The following DNHD1 variants were observed in gnomAD, a reference collection of about 807,000 sequenced individuals.
DNHD1 encodes dynein heavy chain domain 1.
A neutral mutation model predicts 458.1 loss-of-function variants in DNHD1; 383 were observed. The observed-to-expected ratio is 0.84, with a 90% CI of 0.77 to 0.91. DNHD1 has a LOEUF of 0.91. Among genes scored for constraint, DNHD1 ranks in the 40% least tolerant of loss-of-function variants. The probability of loss-of-function intolerance (pLI) is 0.00; values close to 1 mark genes in which losing one functional copy is unlikely to be tolerated. For missense variants in DNHD1, 5,336 were observed against 5,866.1 expected (o/e 0.91, Z 2.95); for synonymous variants, 2,203 against 2,376.9 (o/e 0.93, Z 2.13).
intron 18 of DNHD1, among the ~76,000 whole-genome samples, chr11:6,541,523 T>C (rs1163215560): frequency 1.3e-5 from 2 of 152,166 alleles, no homozygotes; most frequent in Non-Finnish European, 1.5e-5. Flanking sequence ...GTACATTTGA[T>C]GGTAAGAATG....
Position 6,519,777 on chromosome 11 carries a change from G to A in DNHD1, c.1570G>A (p.Val524Ile), listed in dbSNP as rs1450330308. The A allele has an allele frequency of 1.2e-6, 2 of 1,613,752 alleles. No individual in the cohort carries two copies. The highest frequency in any genetic ancestry group is 1.3e-5 in the African/African-American group (1 of 74,944). ...WLQLGKFARL[V>I]DYMICQSLIS... Reference sequence around the variant, plus strand: ...GCAGCTGGGAAAGTTTGCCCGCCTGGTTGACTACATGATTTGTCAGAGCCT... The same window carrying A: ...GCAGCTGGGAAAGTTTGCCCGCCTGATTGACTACATGATTTGTCAGAGCCT... The change falls in exon 8 of 43, where the codon GTT becomes ATT. Residue 524 changes from valine (V) to isoleucine (I), a missense_variant. This residue lies in a region of DNHD1 where 3,932 missense variants were observed against 4,365.6 expected (regional missense o/e 0.90). Transcript: ENST00000254579.
chr11:6,567,424 C>G lies in DNHD1; in HGVS notation c.11915C>G (p.Pro3972Arg). 6.2e-7 allele frequency: 1 copy of G among 1,613,614 alleles called. No individual in the cohort carries two copies. Reference sequence around the variant, plus strand: ...TCTCCCAGCACAGTCCACAGCAAGCCAGTCTCAGATGTGGCTCGACCGGCC... The same window carrying G: ...TCTCCCAGCACAGTCCACAGCAAGCGAGTCTCAGATGTGGCTCGACCGGCC... Reference protein sequence around the residue: ...AASPSTVHSKPVSDVARPAWL... With the variant: ...AASPSTVHSKRVSDVARPAWL... The change falls in exon 36 of 43, where the codon CCA becomes CGA. Residue 3972 changes from proline to arginine, a missense_variant. Around this residue, in one of 4 missense-constraint regions of DNHD1, gnomAD observed 695 missense variants for 804.2 expected, o/e 0.86. Transcript: ENST00000254579.
chr11:6,542,597 G>A (rs570124460), intron 18 of DNHD1, among the ~76,000 whole-genome samples: 36 of 152,192 alleles, frequency 2.4e-4, no homozygotes, highest in African/African-American at 7.9e-4. Context: ...TGTTAACTCC[G>A]GGCATGTTAA....
chr11:6,570,309 A>AC lies in DNHD1; in HGVS notation c.13019dup (p.Gln4341ThrfsTer8). On this transcript the variant is annotated frameshift_variant, in exon 41 of 43. Transcript: ENST00000254579. LOFTEE classifies it high-confidence loss of function. ...GGACAGGGAGGCCCTGATTAGCCTC[A>AC]CACAAGCCTGCCTGAGCCCCAGTAG... 1 of 1,613,460 alleles carries AC rather than the reference A, an allele frequency of 6.2e-7. No individual in the cohort carries two copies. Among genetic ancestry groups the AC allele is most frequent in the Non-Finnish European group, 8.5e-7 (1 of 1,179,708 alleles).
intron 18 of DNHD1, among the ~76,000 whole-genome samples, chr11:6,541,790 G>A (rs1237706663): frequency 6.6e-6 from 1 of 152,150 alleles, no homozygotes; most frequent in Non-Finnish European, 1.5e-5. Flanking sequence ...GGCAAGGAAT[G>A]GAAATTGAAA....
At chr11:6,515,604 TTTC>T (rs1852445132) in intron 7 of DNHD1, among the ~76,000 whole-genome samples, 1 of 146,466 alleles carries the variant, frequency 6.8e-6, no homozygotes, top group Admixed American at 6.8e-5. Context: ...CCCCTTCTCT[TTTC>T]TGCTTTTTTT....
chr11:6,509,307 T>G (rs1195427949), intron 6 of DNHD1, 35 bp downstream of exon 6: 2 of 1,555,400 alleles, frequency 1.3e-6, no homozygotes, highest in Non-Finnish European at 1.7e-6. Context: ...ATTGAGTTTT[T>G]AAAAATTAGT....
chr11:6,551,714 G>A (rs1034708376), intron 24 of DNHD1, among the ~76,000 whole-genome samples: 4 of 152,018 alleles, frequency 2.6e-5, no homozygotes, highest in Non-Finnish European at 5.9e-5. Context: ...AGGCCAAGGA[G>A]GGCAGATCAC....
chr11:6,502,313 T>A (rs1225380358), intron 3 of DNHD1, among the ~76,000 whole-genome samples: 1 of 152,062 alleles, frequency 6.6e-6, no homozygotes, highest in Non-Finnish European at 1.5e-5. Flanking sequence ...AAAGCAGGTA[T>A]AATGGAATCA....
chr11:6,539,931 A>G lies in DNHD1; in HGVS notation c.3476A>G (p.Gln1159Arg), dbSNP rs1313061435. ...GCCCAAGAGACTATACGGCGGTTGC[A>G]GCGGTACTGGGAAGCGCGCCAGCTG... is the stretch of plus-strand genomic sequence containing the variant. ...IHAQETIRRL[Q>R]RYWEARQLRL... The change falls in exon 18 of 43, where the codon CAG (glutamine) becomes CGG (arginine). Residue 1159 changes from glutamine (Q) to arginine (R), a missense_variant. Physicochemically the swap from Gln to Arg is conservative, Grantham distance 43. Transcript: ENST00000254579. The G allele has an allele frequency of 6.4e-7, 1 of 1,551,748 alleles. No homozygotes were observed. Among genetic ancestry groups the G allele is most frequent in the Non-Finnish European group, 8.7e-7 (1 of 1,146,996 alleles).
Position 6,538,426 on chromosome 11 carries a change from T to A in DNHD1, c.3042T>A (p.Pro1014=), listed in dbSNP as rs1174086784. Residue 1014 remains proline, a synonymous_variant, in exon 15 of 43, where the codon CCT becomes CCA. Coordinates refer to ENST00000254579, the MANE Select transcript of DNHD1 (RefSeq NM_144666.3). ...PVPLPICGTR[P]IVQQQRIWHL... ...CCTTGCCAATCTGTGGGACACGTCCTATTGTGCAGCAGCAGCGCATATGGC... is the reference window on the plus strand; with the variant it reads ...CCTTGCCAATCTGTGGGACACGTCCAATTGTGCAGCAGCAGCGCATATGGC... 6.4e-7 allele frequency: 1 copy of A among 1,551,656 alleles called. No individual in the cohort carries two copies. Among genetic ancestry groups the A allele is most frequent in the African/African-American group, 1.4e-5 (1 of 73,068 alleles).
rs78054742 is a variant in DNHD1 at position 6,514,943 on chromosome 11, A to G, written c.1392+3514A>G. Among the ~76,000 whole-genome samples the G allele has an allele frequency of 8.9e-3, 1,349 of 152,342 alleles. 18 individuals carry two copies. The highest frequency in any genetic ancestry group is 0.031 in the African/African-American group (1,274 of 41,576). ...GGAGGGTATCACATACTGATGAGACATGAATATGAGACAGAGAGAGGAGAG... is the reference window on the plus strand; with the variant it reads ...GGAGGGTATCACATACTGATGAGACGTGAATATGAGACAGAGAGAGGAGAG... On this transcript the variant is annotated intron_variant, in intron 7 of 42. Transcript: ENST00000254579.
At position 6,568,761 on chromosome 11, in the gene DNHD1, T is replaced by C. The variant is rs1478841434; in HGVS notation, c.12758T>C (p.Leu4253Pro). The change falls in exon 39 of 43, where the codon CTC becomes CCC. Residue 4253 changes from leucine to proline, a missense_variant. Physicochemically the swap from Leu to Pro is moderately conservative, Grantham distance 98. This residue lies in a region of DNHD1 where 698 missense variants were observed against 664.9 expected (regional missense o/e 1.05). Transcript: ENST00000254579. The part of the protein sequence containing the change: ...IDSVELAQQV[L>P]YMQPPTQALP... The stretch of plus-strand genomic sequence containing the variant: ...AGTGTGGAGCTAGCCCAGCAAGTAC[T>C]CTACATGCAACCCCCCACCCAGGCA... The C allele has an allele frequency of 6.2e-7, 1 of 1,613,480 alleles. No individual in the cohort carries two copies. Among genetic ancestry groups the C allele is most frequent in the South Asian group, 1.1e-5 (1 of 90,986 alleles).
At chr11:6,533,585 G>A in intron 13 of DNHD1, 96 bp from the exon 14 acceptor site, 1 of 1,443,110 alleles carries the variant, frequency 6.9e-7, no homozygotes, top group Non-Finnish European at 9.2e-7. Flanking sequence ...TGGGTCTGGA[G>A]ACTTCACTCC....
chr11:6,567,886 G>C (rs916666968), intron 36 of DNHD1, 26 bp downstream of exon 36: 14 of 1,584,172 alleles, frequency 8.8e-6, no homozygotes, highest in Non-Finnish European at 4.3e-6. Context: ...CTTGGCCACA[G>C]AGTGACCAGG....
At chr11:6,526,553 G>C (rs1852715378) in intron 10 of DNHD1, among the ~76,000 whole-genome samples, 1 of 151,868 alleles carries the variant, frequency 6.6e-6, no homozygotes. Flanking sequence ...AAGAAGACTT[G>C]GTTCAAAATA....
At position 6,498,942 on chromosome 11, in the gene DNHD1, G is replaced by C. The variant is rs554331237; in HGVS notation, c.727G>C (p.Val243Leu). 63 of 1,604,568 alleles carry C rather than the reference G, an allele frequency of 3.9e-5. No individual in the cohort carries two copies. The highest frequency in any genetic ancestry group is 5.1e-5 in the Non-Finnish European group (60 of 1,175,070). The stretch of plus-strand genomic sequence containing the variant: ...CACTGACAATGCAGAGGTGGAGCCT[G>C]TTGGAAGAAAAGAGACCAGGTAAGT... ...SDTDNAEVEP[V>L]GRKETRSQLD... is the part of the protein sequence containing the mutation. The change falls in exon 3 of 43, where the codon GTT (valine) becomes CTT (leucine). Residue 243 changes from valine (V) to leucine (L), a missense_variant. Physicochemically the swap from Val to Leu is conservative, Grantham distance 32. Around this residue, in one of 4 missense-constraint regions of DNHD1, gnomAD observed 3,932 missense variants for 4,365.6 expected, o/e 0.90. Coordinates refer to ENST00000254579, the MANE Select transcript of DNHD1 (RefSeq NM_144666.3).
rs1853471297 is a variant in DNHD1, at chr11:6,556,793, T to C, written c.7498T>C (p.Phe2500Leu). ...GCAGACGCTGCAGCCTACAGTCAAC[T>C]TCCTTGCCACTGTCACAGTGCCAGG... ...ELQTLQPTVN[F>L]LATVTVPGYC... The change falls in exon 25 of 43, where the codon TTC becomes CTC. Residue 2500 changes from phenylalanine to leucine, a missense_variant. By Grantham distance (22) the Phe-to-Leu change is conservative. Transcript: ENST00000254579. 3.2e-6 allele frequency: 5 copies of C among 1,551,546 alleles called. No individual in the cohort carries two copies. In the South Asian group the frequency reaches 4.8e-5, roughly 15 times the overall value.
chr11:6,559,818 G>T (rs1187882623), intron 28 of DNHD1, among the ~76,000 whole-genome samples: 1 of 152,134 alleles, frequency 6.6e-6, no homozygotes, highest in African/African-American at 2.4e-5. Context: ...GTCCTGAATT[G>T]TCTTACTCAC....
Sources: allele counts gnomAD v4.1 joint callset (sites outside exome capture counted in the v4.1 genomes callset), GRCh38; gene constraint gnomAD v4.1.1; regional missense constraint gnomAD v4.1.1; transcripts MANE v1.5; gene names NCBI Gene and HGNC (gene_info 2026-07-23, HGNC 2026-07-21).